CWH43: variants seen among roughly 807,000 people sequenced by gnomAD.
CWH43 encodes PGAP2-interacting protein.
A neutral mutation model predicts 85.7 loss-of-function variants in CWH43; 91 were observed. The ratio of observed to expected loss-of-function variants is 1.06; its 90% CI spans 0.90 to 1.26. The LOEUF (loss-of-function observed/expected upper bound fraction) is 1.26. CWH43 is among the 50% of genes most tolerant of loss of function. The pLI is 0.00. For missense variants in CWH43, 869 were observed against 839.2 expected, an observed-to-expected ratio of 1.04 and a Z score of -0.44; for synonymous variants, 323 against 293.6, an observed-to-expected ratio of 1.10 and a Z score of -1.02.
At chr4:48,998,389 T>C in intron 5 of CWH43, 71 bp from the exon 6 acceptor site, 3 of 1,225,152 alleles carry the variant, frequency 2.4e-6, no homozygotes, top group Non-Finnish European at 3.6e-6. Context: ...GGGAGGTATA[T>C]TTCTATTTTA....
chr4:49,030,807 T>A lies in CWH43; in HGVS notation c.1373-18T>A, dbSNP rs1347191992. ...GCTGTGATTCATCACTGTATGCTAC[T>A]TTTTTTTTTCTGAACAGGTGCAGAT... is the stretch of plus-strand genomic sequence containing the variant. On this transcript the variant is annotated intron_variant, in intron 10 of 15. Transcript: ENST00000226432. 7.0e-7 allele frequency: 1 copy of A among 1,420,954 alleles called. No individual in the cohort carries two copies. Among genetic ancestry groups the A allele is most frequent in the South Asian group, 1.4e-5 (1 of 70,230 alleles). The allele number at this position is 1,420,954 out of a possible 1,614,324, so 88.0% of individuals were successfully genotyped here.
At chr4:49,030,095 T>G (rs971096968) in intron 10 of CWH43, among the ~76,000 whole-genome samples, 1 of 152,198 alleles carries the variant, frequency 6.6e-6, no homozygotes, top group African/African-American at 2.4e-5. Flanking sequence ...CTGGCCCCCT[T>G]CATGGGTCAG....
At chr4:49,051,740 C>A (rs1049998593) in intron 15 of CWH43, among the ~76,000 whole-genome samples, 3 of 152,066 alleles carry the variant, frequency 2.0e-5, no homozygotes, top group African/African-American at 7.2e-5. Flanking sequence ...TGATGCCTGG[C>A]TAATTTTTGT....
chr4:48,987,686 G>A (rs1326402086), intron 1 of CWH43, among the ~76,000 whole-genome samples: 2 of 152,210 alleles, frequency 1.3e-5, no homozygotes, highest in South Asian at 2.1e-4. Context: ...TGCATGGCAA[G>A]TGCCCATAGC....
intron 1 of CWH43, among the ~76,000 whole-genome samples, chr4:48,987,491 A>G (rs1187529451): frequency 6.6e-6 from 1 of 152,130 alleles, no homozygotes; most frequent in East Asian, 1.9e-4. Flanking sequence ...GACATTTGCT[A>G]CTTGTGTAAC....
In CWH43 at chr4:49,030,885, ACT is replaced by A; in HGVS notation, c.1434_1435del (p.Leu479AsnfsTer37). The A allele has an allele frequency of 1.2e-6, 2 of 1,611,118 alleles. No homozygotes were observed. Among genetic ancestry groups the A allele is most frequent in the Non-Finnish European group, 1.7e-6 (2 of 1,178,884 alleles). On this transcript the variant is annotated frameshift_variant, in exon 11 of 16. Coordinates refer to ENST00000226432, the MANE Select transcript of CWH43 (RefSeq NM_025087.3). LOFTEE classifies it high-confidence loss of function. ...TCTAAGCCCTATATGGGGAACAATG[ACT>A]TAACCATGTGGCTAGGGGAAAAGTT...
At chr4:49,020,412 C>CATATATAT (rs1421769377) in intron 9 of CWH43, among the ~76,000 whole-genome samples, 150 of 115,386 alleles carry the variant, frequency 1.3e-3, no homozygotes, top group African/African-American at 4.0e-3. Context: ...CACACACACA[C>CATATATAT]ACACATATAT....
At position 48,988,520 on chromosome 4, in the gene CWH43, C is replaced by T; in HGVS notation, c.87C>T (p.Ile29=). 1 of 1,610,516 alleles carries T rather than the reference C, an allele frequency of 6.2e-7. No homozygotes were observed. Among genetic ancestry groups the T allele is most frequent in the Non-Finnish European group, 8.5e-7 (1 of 1,178,834 alleles). Residue 29 remains isoleucine (I), a synonymous_variant, in exon 2 of 16, where the codon ATC becomes ATT. Coordinates refer to ENST00000226432, the MANE Select transcript of CWH43 (RefSeq NM_025087.3). The stretch of plus-strand genomic sequence containing the variant: ...TCTACCATGACCTGGGACCGATGAT[C>T]TATTACTTTCCTTTGCAAACACTAG... The part of the protein sequence containing the change: ...WSLYHDLGPM[I]YYFPLQTLEL...
chr4:48,998,279 T>A (rs1374473289), intron 5 of CWH43, among the ~76,000 whole-genome samples, 181 bp from the exon 6 acceptor site: 2 of 152,232 alleles, frequency 1.3e-5, no homozygotes, highest in African/African-American at 4.8e-5. Context: ...GAGGTTTTAT[T>A]CCTTCTCTGT....
At chr4:49,059,470 G>A (rs1251019839) in intron 15 of CWH43, among the ~76,000 whole-genome samples, 2 of 152,104 alleles carry the variant, frequency 1.3e-5, no homozygotes, top group Non-Finnish European at 2.9e-5. Context: ...AGTTACTTGT[G>A]CTTTATTTGT....
intron 13 of CWH43, among the ~76,000 whole-genome samples, chr4:49,039,777 G>T (rs567856060): frequency 6.6e-6 from 1 of 151,442 alleles, no homozygotes; most frequent in Non-Finnish European, 1.5e-5. Flanking sequence ...TAAGTTTTAG[G>T]GTACATGTGC....
chr4:48,991,401 A>G (rs1175336600), intron 2 of CWH43, 53 bp from the exon 3 acceptor site: 3 of 1,604,866 alleles, frequency 1.9e-6, no homozygotes, highest in East Asian at 4.5e-5. Context: ...CAGATCACGG[A>G]GTTCCAATCC....
intron 15 of CWH43, among the ~76,000 whole-genome samples, chr4:49,055,905 CTTTTT>C (rs747635845): frequency 0.014 from 1,327 of 95,616 alleles, 18 homozygotes; most frequent in Non-Finnish European, 0.021. Flanking sequence ...TCTAATTTTT[CTTTTT>C]TTCTTTTTTT....
chr4:49,008,918 A>G (rs2109769787), intron 8 of CWH43, among the ~76,000 whole-genome samples: 1 of 152,300 alleles, frequency 6.6e-6, no homozygotes, highest in South Asian at 2.1e-4. Flanking sequence ...TGATGCCTCC[A>G]GCTTTGTTCT....
intron 2 of CWH43, among the ~76,000 whole-genome samples, chr4:48,989,343 G>A (rs189808527): frequency 7.2e-5 from 11 of 152,272 alleles, no homozygotes; most frequent in Admixed American, 6.5e-4. Context: ...TGCAGTAGGG[G>A]TGGGGAAACA....
At chr4:49,013,866 T>C (rs1783446227) in intron 8 of CWH43, among the ~76,000 whole-genome samples, 1 of 152,156 alleles carries the variant, frequency 6.6e-6, no homozygotes, top group African/African-American at 2.4e-5. Flanking sequence ...ATGAAATTAG[T>C]TTACTATTCA....
intron 14 of CWH43, among the ~76,000 whole-genome samples, chr4:49,049,865 A>G (rs2109838444): frequency 6.6e-6 from 1 of 152,162 alleles, no homozygotes; most frequent in South Asian, 2.1e-4. Context: ...CACTGCATTC[A>G]CCCCAGTGCT....
intron 9 of CWH43, among the ~76,000 whole-genome samples, chr4:49,018,111 C>CAT (rs1343435850): frequency 1.3e-5 from 2 of 152,042 alleles, no homozygotes; most frequent in Admixed American, 6.6e-5. Context: ...GGATTACAGG[C>CAT]ATAAGCCACC....
At chr4:49,041,719 T>C (rs998020897) in intron 13 of CWH43, among the ~76,000 whole-genome samples, 3 of 152,162 alleles carry the variant, frequency 2.0e-5, no homozygotes, top group African/African-American at 7.2e-5. Flanking sequence ...GTGTTCTACC[T>C]TGTGGTTCCA....
Sources: gnomAD v4.1 joint callset for allele counts (sites outside exome capture counted in the v4.1 genomes callset) on GRCh38, gnomAD v4.1.1 for gene constraint, MANE v1.5 for transcripts, NCBI Gene and HGNC (gene_info 2026-07-23, HGNC 2026-07-21) for gene names.